KALRN: variants seen among roughly 807,000 people sequenced by gnomAD.
KALRN encodes kalirin RhoGEF kinase.
KALRN carries 70 observed loss-of-function variants against 353.7 expected under a neutral mutation model. The observed-to-expected ratio is 0.20, with a 90% CI of 0.16 to 0.24. The LOEUF is 0.24. KALRN is among the 10% of genes least tolerant of loss of function. The pLI is 1.00. For missense variants in KALRN, 2,791 were observed against 3,756.7 expected, an observed-to-expected ratio of 0.74 and a Z score of 6.72; for synonymous variants, 1,391 against 1,434.8, an observed-to-expected ratio of 0.97 and a Z score of 0.69.
intron 3 of KALRN, among the ~76,000 whole-genome samples, chr3:124,241,291 T>C (rs894221036): frequency 2.6e-5 from 4 of 152,228 alleles, no homozygotes; most frequent in Non-Finnish European, 5.9e-5. Flanking sequence ...AATGGTATTG[T>C]ACATTGTGTA....
intron 36 of KALRN, 60 bp from the exon 37 acceptor site, chr3:124,637,148 T>C (rs1468588349): frequency 2.2e-6 from 3 of 1,337,054 alleles, no homozygotes; most frequent in African/African-American, 1.4e-5. Context: ...TTTTATTTCC[T>C]GATCACTGTT....
intron 33 of KALRN, among the ~76,000 whole-genome samples, chr3:124,536,245 A>G (rs1441380432): frequency 6.9e-6 from 1 of 145,206 alleles, no homozygotes; most frequent in African/African-American, 2.6e-5. Context: ...CTTGTCACCA[A>G]GGCTGGAGTG....
chr3:124,461,722 A>G (rs1488860791), intron 23 of KALRN, among the ~76,000 whole-genome samples, 168 bp from the exon 24 acceptor site: 1 of 152,176 alleles, frequency 6.6e-6, no homozygotes, highest in Non-Finnish European at 1.5e-5. Flanking sequence ...TCATAGGAAG[A>G]TACTTGTAGG....
At chr3:124,398,382 A>T (rs1054455914) in intron 12 of KALRN, among the ~76,000 whole-genome samples, 70 of 152,152 alleles carry the variant, frequency 4.6e-4, no homozygotes, top group Non-Finnish European at 6.2e-4. Flanking sequence ...CCATTTCTCT[A>T]ATATTTTATG....
At chr3:124,225,035 A>G (rs998277563) in intron 1 of KALRN, among the ~76,000 whole-genome samples, 1 of 152,220 alleles carries the variant, frequency 6.6e-6, no homozygotes, top group Non-Finnish European at 1.5e-5. Context: ...CGTACCCGAT[A>G]GTGAAAACAT....
intron 1 of KALRN, among the ~76,000 whole-genome samples, chr3:124,191,974 C>T (rs142028809): frequency 4.3e-4 from 65 of 152,328 alleles, no homozygotes; most frequent in East Asian, 7.7e-4. Flanking sequence ...GCAGATCAAA[C>T]CATATCTCCA....
chr3:124,496,420 C>G lies in KALRN; in HGVS notation c.4935+7C>G, dbSNP rs769645959. ...CACAGTGGACAGTGACAAGGTAGGA[C>G]AGAGTCCTAACCTTCCTTCCCCTGA... On this transcript the variant is annotated splice_region_variant and intron_variant, in intron 33 of 59. Coordinates refer to ENST00000682506, the MANE Select transcript of KALRN (RefSeq NM_001388419.1). The G allele has an allele frequency of 6.9e-6, 11 of 1,602,004 alleles. No individual in the cohort carries two copies. Among genetic ancestry groups the G allele is most frequent in the Non-Finnish European group, 6.8e-6 (8 of 1,169,038 alleles).
intron 33 of KALRN, among the ~76,000 whole-genome samples, chr3:124,513,160 AAG>A (rs1168373305): frequency 1.3e-5 from 2 of 152,188 alleles, no homozygotes; most frequent in Non-Finnish European, 2.9e-5. Context: ...TGTGAAAAGA[AAG>A]AGAAAGAAAA....
chr3:124,632,884 T>C (rs2080935552), intron 35 of KALRN, among the ~76,000 whole-genome samples, 181 bp downstream of exon 35: 1 of 152,230 alleles, frequency 6.6e-6, no homozygotes, highest in Non-Finnish European at 1.5e-5. Context: ...ATTCAGAAGC[T>C]GACTAGCCCC....
intron 45 of KALRN, among the ~76,000 whole-genome samples, chr3:124,666,015 G>T (rs907939950): frequency 2.0e-5 from 3 of 152,082 alleles, no homozygotes; most frequent in African/African-American, 7.2e-5. Context: ...AATGCCCTTG[G>T]TCCTTGGCCC....
intron 34 of KALRN, among the ~76,000 whole-genome samples, chr3:124,580,384 G>A (rs56193059): frequency 6.7e-6 from 1 of 148,548 alleles, no homozygotes; most frequent in African/African-American, 2.5e-5. Flanking sequence ...GGGGAGGGGG[G>A]ACTCAGGCAG....
At chr3:124,265,003 G>T (rs2073335265) in intron 4 of KALRN, among the ~76,000 whole-genome samples, 1 of 152,180 alleles carries the variant, frequency 6.6e-6, no homozygotes, top group African/African-American at 2.4e-5. Context: ...TATATCCATT[G>T]ATGTAGCAAT....
intron 13 of KALRN, among the ~76,000 whole-genome samples, chr3:124,405,325 G>A (rs2091395436): frequency 6.6e-6 from 1 of 152,170 alleles, no homozygotes; most frequent in East Asian, 1.9e-4. Context: ...CTGTGGACCT[G>A]AACTCAAGTA....
At chr3:124,377,907 G>A (rs1470324227) in intron 10 of KALRN, among the ~76,000 whole-genome samples, 1 of 151,832 alleles carries the variant, frequency 6.6e-6, no homozygotes, top group Non-Finnish European at 1.5e-5. Context: ...ATCTTTTTCT[G>A]TCCTTTTACT....
intron 25 of KALRN, among the ~76,000 whole-genome samples, chr3:124,469,374 G>A (rs1448242703): frequency 6.6e-6 from 1 of 152,202 alleles, no homozygotes; most frequent in Non-Finnish European, 1.5e-5. Flanking sequence ...CAGCCTGGGT[G>A]ATCCAACTGT....
chr3:124,413,784 G>C (rs1159574504), intron 14 of KALRN, 119 bp downstream of exon 14: 1 of 858,556 alleles, frequency 1.2e-6, no homozygotes, highest in East Asian at 2.8e-5. Context: ...ACAAAGAATA[G>C]AGATTTTTAC....
At chr3:124,352,259 T>C (rs146060772) in intron 10 of KALRN, among the ~76,000 whole-genome samples, 52 of 152,352 alleles carry the variant, frequency 3.4e-4, no homozygotes, top group Admixed American at 6.5e-4. Context: ...AGGGGATAGA[T>C]GTTTCCATGT....
chr3:124,454,743 C>T (rs555443982), intron 21 of KALRN, among the ~76,000 whole-genome samples: 1 of 152,238 alleles, frequency 6.6e-6, no homozygotes, highest in East Asian at 1.9e-4. Flanking sequence ...TCATCATTCC[C>T]TAAGCCATAC....
intron 3 of KALRN, among the ~76,000 whole-genome samples, chr3:124,247,146 T>TA (rs1242978745): frequency 6.6e-6 from 1 of 152,216 alleles, no homozygotes; most frequent in African/African-American, 2.4e-5. Flanking sequence ...AGACTGCCTT[T>TA]ATTGTACACT....
Sources: allele counts gnomAD v4.1 joint callset (sites outside exome capture counted in the v4.1 genomes callset), GRCh38; gene constraint gnomAD v4.1.1; transcripts MANE v1.5; gene names NCBI Gene and HGNC (gene_info 2026-07-23, HGNC 2026-07-21).